The following RASGRF2 variants were observed in gnomAD, a reference collection of about 807,000 sequenced individuals.
RASGRF2 encodes ras-specific guanine nucleotide-releasing factor 2.
A neutral mutation model predicts 151.0 loss-of-function variants in RASGRF2; 76 were observed. That is an observed-to-expected ratio of 0.50 (90% CI 0.42 to 0.61). RASGRF2 has a LOEUF of 0.61. Among genes scored for constraint, RASGRF2 ranks in the 20% least tolerant of loss-of-function variants. RASGRF2 has a pLI of 0.00. For synonymous variants in RASGRF2, 504 were observed against 566.5 expected (o/e 0.89, Z 1.57); for missense variants, 1,148 against 1,564.6 (o/e 0.73, Z 4.49).
intron 5 of RASGRF2, among the ~76,000 whole-genome samples, chr5:81,078,606 C>G (rs1184859199): frequency 6.6e-6 from 1 of 152,172 alleles, no homozygotes; most frequent in Non-Finnish European, 1.5e-5. Flanking sequence ...TAACTAGATT[C>G]CCTTTACATG....
At chr5:81,147,314 A>G (rs1754028670) in intron 17 of RASGRF2, among the ~76,000 whole-genome samples, 1 of 152,118 alleles carries the variant, frequency 6.6e-6, no homozygotes, top group African/African-American at 2.4e-5. Flanking sequence ...CTCTGGATCT[A>G]CAAGTTATAC....
intron 17 of RASGRF2, among the ~76,000 whole-genome samples, chr5:81,163,612 C>A (rs1463547205): frequency 1.3e-5 from 2 of 152,076 alleles, no homozygotes; most frequent in Non-Finnish European, 2.9e-5. Context: ...AAGAAACATG[C>A]AATTAGAGGG....
chr5:81,155,814 A>G (rs1397025922), intron 17 of RASGRF2, among the ~76,000 whole-genome samples: 2 of 152,154 alleles, frequency 1.3e-5, no homozygotes, highest in African/African-American at 4.8e-5. Flanking sequence ...GTATGTCTAT[A>G]ATGAGGGAGT....
intron 3 of RASGRF2, among the ~76,000 whole-genome samples, chr5:81,068,902 G>A (rs1751693006): frequency 6.6e-6 from 1 of 152,122 alleles, no homozygotes; most frequent in Non-Finnish European, 1.5e-5. Context: ...CCTTCCTCAT[G>A]GGCAGTAAGC....
chr5:81,058,334 A>G (rs1182281911), intron 2 of RASGRF2, among the ~76,000 whole-genome samples: 1 of 152,206 alleles, frequency 6.6e-6, no homozygotes, highest in African/African-American at 2.4e-5. Flanking sequence ...TAAATGGAAA[A>G]TTTAATCACA....
At chr5:81,125,085 C>T (rs1753416674) in intron 16 of RASGRF2, among the ~76,000 whole-genome samples, 1 of 152,158 alleles carries the variant, frequency 6.6e-6, no homozygotes, top group Admixed American at 6.5e-5. Flanking sequence ...CGGGTTTTCA[C>T]TTTGTCGGCA....
chr5:81,198,384 G>C lies in RASGRF2; in HGVS notation c.2794-2946G>C, dbSNP rs971979536. On this transcript the variant is annotated intron_variant, in intron 18 of 26. Transcript: ENST00000265080. The stretch of plus-strand genomic sequence containing the variant: ...ATGTGATATTTGGTTTTCTGTTTCT[G>C]CATTAGTTTGCTTAGGATAATGGCC... 4.6e-5 allele frequency among the ~76,000 whole-genome samples: 7 copies of C among 152,154 alleles called. No homozygotes were observed. In the East Asian group the frequency reaches 1.2e-3, roughly 25 times the overall value.
intron 1 of RASGRF2, among the ~76,000 whole-genome samples, chr5:81,041,929 G>A (rs975672526): frequency 6.6e-6 from 1 of 152,066 alleles, no homozygotes; most frequent in Non-Finnish European, 1.5e-5. Context: ...TCACACAACA[G>A]GAATCATATA....
intron 12 of RASGRF2, among the ~76,000 whole-genome samples, chr5:81,099,469 A>G (rs1272975194): frequency 6.6e-6 from 1 of 152,202 alleles, no homozygotes; most frequent in African/African-American, 2.4e-5. Flanking sequence ...CCCTTCTTTT[A>G]AAGTCCCTTG....
intron 9 of RASGRF2, among the ~76,000 whole-genome samples, chr5:81,092,084 G>T (rs116023063): frequency 1.3e-5 from 2 of 152,066 alleles, no homozygotes; most frequent in Non-Finnish European, 2.9e-5. Flanking sequence ...ATAATCAAAG[G>T]TAATGTTGGT....
At chr5:81,159,523 A>T (rs1019360038) in intron 17 of RASGRF2, among the ~76,000 whole-genome samples, 1 of 152,260 alleles carries the variant, frequency 6.6e-6, no homozygotes, top group African/African-American at 2.4e-5. Flanking sequence ...CAGTAAATCT[A>T]TAAAGACAGA....
chr5:81,077,975 A>G lies in RASGRF2; in HGVS notation c.888-2146A>G, dbSNP rs950563405. Among the ~76,000 whole-genome samples the G allele has an allele frequency of 3.9e-5, 6 of 152,348 alleles. No homozygotes were observed. In the South Asian group the frequency reaches 1.2e-3, roughly 32 times the overall value. On this transcript the variant is annotated intron_variant, in intron 5 of 26. Transcript: ENST00000265080. The stretch of plus-strand genomic sequence containing the variant: ...CAAGATATGCCTCTCTTTGGAAGGT[A>G]AAGCTATAAGCTCTTCATATAGACT...
chr5:81,103,417 G>T (rs1381337214), intron 12 of RASGRF2, among the ~76,000 whole-genome samples: 1 of 151,852 alleles, frequency 6.6e-6, no homozygotes, highest in Non-Finnish European at 1.5e-5. Context: ...CAGCAAAGAG[G>T]GTTAAAGAGA....
chr5:81,043,072 C>A, intron 2 of RASGRF2, 89 bp downstream of exon 2: 1 of 965,634 alleles, frequency 1.0e-6, no homozygotes, highest in Non-Finnish European at 1.6e-6. Flanking sequence ...GAAGAACTTG[C>A]AACTCTAAGA....
At chr5:81,070,290 T>C in intron 3 of RASGRF2, 1 of 504,960 alleles carries the variant, frequency 2.0e-6, no homozygotes, top group Non-Finnish European at 3.6e-6. Flanking sequence ...AGTCACTTCT[T>C]ATAAACACTT....
chr5:81,055,852 G>A (rs182371533), intron 2 of RASGRF2, among the ~76,000 whole-genome samples: 8 of 152,256 alleles, frequency 5.3e-5, no homozygotes, highest in East Asian at 1.9e-4. Flanking sequence ...TCCTGGTTTA[G>A]TCTTGGGAGG....
chr5:81,222,994 T>C (rs1383330501), intron 26 of RASGRF2, among the ~76,000 whole-genome samples: 1 of 152,162 alleles, frequency 6.6e-6, no homozygotes, highest in Non-Finnish European at 1.5e-5. Context: ...TCAAATGTAA[T>C]ATAAAAAACC....
chr5:80,999,419 TG>T (rs1749006514), intron 1 of RASGRF2, among the ~76,000 whole-genome samples: 1 of 152,184 alleles, frequency 6.6e-6, no homozygotes, highest in Admixed American at 6.5e-5. Context: ...CATAGCTCAC[TG>T]TAGCCTCAAC....
At chr5:81,025,821 A>G (rs558299559) in intron 1 of RASGRF2, among the ~76,000 whole-genome samples, 11 of 152,258 alleles carry the variant, frequency 7.2e-5, no homozygotes, top group African/African-American at 2.4e-4. Flanking sequence ...GGATCTCCAA[A>G]GTCTTTTGCT....
Sources: allele counts gnomAD v4.1 joint callset (sites outside exome capture counted in the v4.1 genomes callset), GRCh38; gene constraint gnomAD v4.1.1; transcripts MANE v1.5; gene names NCBI Gene and HGNC (gene_info 2026-07-23, HGNC 2026-07-21).